Variants in RHPN1 observed in about 807,000 individuals in gnomAD.
The protein encoded by RHPN1 is rhophilin-1.
RHPN1 carries 77 observed loss-of-function variants against 74.7 expected under a neutral mutation model. That is an observed-to-expected ratio of 1.03 (90% confidence interval 0.86 to 1.25). RHPN1 has a LOEUF of 1.25. Ranked by LOEUF, RHPN1 falls within the 50% of genes most tolerant of loss-of-function variation. RHPN1 has a pLI of 0.00. For synonymous variants in RHPN1, 444 were observed against 414.5 expected (o/e 1.07, Z -0.87); for missense variants, 987 against 932.2 (o/e 1.06, Z -0.77).
In RHPN1 at chr8:143,380,605, G is replaced by A; in HGVS notation, c.1233G>A (p.Lys411=). 1 of 1,531,916 alleles carries A rather than the reference G, an allele frequency of 6.5e-7. No homozygotes were observed. The highest frequency in any genetic ancestry group is 8.8e-7 in the Non-Finnish European group (1 of 1,137,132). The allele number at this position is 1,531,916 out of a possible 1,614,324, so 94.9% of individuals were successfully genotyped here. The change falls in exon 11 of 15, where the codon AAG becomes AAA. Residue 411 remains lysine, a synonymous_variant. Coordinates refer to ENST00000289013, the MANE Select transcript of RHPN1 (RefSeq NM_052924.3). The stretch of plus-strand genomic sequence containing the variant: ...CGCGTGCAGGCAAGGCACACCTGAA[G>A]CGTGCCATCCTGGGGCAGGAGGAGG... ...ERRQLGKAHL[K]RAILGQEEAL...
chr8:143,381,839 G>A lies in RHPN1; in HGVS notation c.1668G>A (p.Val556=), dbSNP rs776167975. ...AAGLKEGDYI[V]SVNGQPCRWW... ...GCCTGAAGGAGGGCGACTACATTGTGTCAGTGAATGGGCAGCCATGCAGGT... is the reference window on the plus strand; with the variant it reads ...GCCTGAAGGAGGGCGACTACATTGTATCAGTGAATGGGCAGCCATGCAGGT... Residue 556 remains valine, a synonymous_variant, in exon 14 of 15, where the codon GTG becomes GTA. Transcript: ENST00000289013. 6.2e-7 allele frequency: 1 copy of A among 1,613,076 alleles called. No individual in the cohort carries two copies. The highest frequency in any genetic ancestry group is 8.5e-7 in the Non-Finnish European group (1 of 1,179,742).
chr8:143,376,354 G>A (rs114969004), intron 2 of RHPN1, among the ~76,000 whole-genome samples, 171 bp from the exon 3 acceptor site: 3,036 of 152,332 alleles, frequency 0.02, 95 homozygotes, highest in African/African-American at 0.069. Flanking sequence ...GTGAGCCCCC[G>A]GATCCCACTG....
intron 1 of RHPN1, among the ~76,000 whole-genome samples, chr8:143,370,224 C>T (rs959951201): frequency 6.6e-6 from 1 of 152,108 alleles, no homozygotes; most frequent in Non-Finnish European, 1.5e-5. Flanking sequence ...CTGTCCTGGC[C>T]CTCCCTGGGC....
Position 143,378,356 on chromosome 8 carries a change from T to TCCCTC in RHPN1, c.459+13_459+14insTCCCC. ...GGAGGCCCTGCGGCAGGTGTGTGGTTCCCCCGCCCACCCACCCTCCTGCAG... is the reference window on the plus strand; with the variant it reads ...GGAGGCCCTGCGGCAGGTGTGTGGTTCCCTCCCCCCGCCCACCCACCCTCCTGCAG... On this transcript the variant is annotated intron_variant, in intron 5 of 14. Transcript: ENST00000289013. The TCCCTC allele has an allele frequency of 2.6e-6, 4 of 1,525,438 alleles. No homozygotes were observed. Among genetic ancestry groups the TCCCTC allele is most frequent in the South Asian group, 1.2e-5 (1 of 83,568 alleles). The allele number at this position is 1,525,438 out of a possible 1,614,324, so 94.5% of individuals were successfully genotyped here.
chr8:143,379,975 C>T lies in RHPN1; in HGVS notation c.1092C>T (p.Cys364=), dbSNP rs1340720501. The T allele has an allele frequency of 9.6e-6, 15 of 1,562,590 alleles. No homozygotes were observed. The East Asian group carries it at 2.4e-4, about 25-fold the overall frequency. ...ACTACCACGTAGCCATGGCCCTCTG[C>T]GACGGCTCCCGTGAGTGCCCACCAC... The part of the protein sequence containing the change: ...LAHYHVAMAL[C]DGSPATEGEL... Residue 364 remains cysteine (C), a synonymous_variant, in exon 9 of 15, where the codon TGC becomes TGT. Coordinates refer to ENST00000289013, the MANE Select transcript of RHPN1 (RefSeq NM_052924.3).
rs904864900 is a variant in RHPN1 at position 143,369,882 on chromosome 8, G to C, written c.60+835G>C. ...CTGGTTCTACTCGGCTTTGGTGTTT[G>C]GGGTTAGGTCTCCTAGAGGAGGAGG... On this transcript the variant is annotated intron_variant, in intron 1 of 14. Coordinates refer to ENST00000289013, the MANE Select transcript of RHPN1 (RefSeq NM_052924.3). 6.6e-4 allele frequency among the ~76,000 whole-genome samples: 101 copies of C among 152,314 alleles called. 1 individual carries two copies. The highest frequency in any genetic ancestry group is 2.3e-3 in the African/African-American group (96 of 41,568).
At position 143,378,748 on chromosome 8, in the gene RHPN1, A is replaced by T. The variant is rs772719297; in HGVS notation, c.512A>T (p.Tyr171Phe). ...NESGLELLTA[Y>F]YNQLCFLDAR... ...TCGGGCCTGGAGCTGCTCACAGCCTATTACAACCAGCTGTGCTTCCTGGAT... is the reference window on the plus strand; with the variant it reads ...TCGGGCCTGGAGCTGCTCACAGCCTTTTACAACCAGCTGTGCTTCCTGGAT... Residue 171 changes from tyrosine (Y) to phenylalanine (F), a missense_variant, in exon 6 of 15, where the codon TAT (tyrosine) becomes TTT (phenylalanine). Coordinates refer to ENST00000289013, the MANE Select transcript of RHPN1 (RefSeq NM_052924.3). 2 of 1,589,352 alleles carry T rather than the reference A, an allele frequency of 1.3e-6. No homozygotes were observed. The highest frequency in any genetic ancestry group is 4.6e-5 in the East Asian group (2 of 43,448).
chr8:143,376,731 A>ATGTG, intron 3 of RHPN1, 78 bp downstream of exon 3: 1 of 1,438,134 alleles, frequency 7.0e-7, no homozygotes, highest in African/African-American at 1.5e-5. Context: ...GTGTGCACGC[A>ATGTG]TGTGTGTCTC....
At chr8:143,379,550 G>A (rs1163323699) in intron 8 of RHPN1, 42 bp downstream of exon 8, 11 of 1,508,168 alleles carry the variant, frequency 7.3e-6, no homozygotes, top group South Asian at 2.5e-5. Context: ...GGGTGGGGCC[G>A]AGCTGGGGTC....
chr8:143,369,718 G>A (rs1292929111), intron 1 of RHPN1, among the ~76,000 whole-genome samples: 1 of 152,216 alleles, frequency 6.6e-6, no homozygotes, highest in Non-Finnish European at 1.5e-5. Flanking sequence ...GGCTGCCCCA[G>A]TCCTCCTGCC....
At chr8:143,376,744 T>G in intron 3 of RHPN1, 91 bp downstream of exon 3, 1 of 1,397,112 alleles carries the variant, frequency 7.2e-7, no homozygotes, top group Non-Finnish European at 9.7e-7. Flanking sequence ...TGTGTCTCTG[T>G]GTGTATATGT....
upstream of RHPN1, among the ~76,000 whole-genome samples, chr8:143,366,119 C>A (rs777557970): frequency 4.9e-5 from 7 of 142,742 alleles, no homozygotes; most frequent in Non-Finnish European, 1.1e-4. Flanking sequence ...GGCAACAGGG[C>A]GAAACCCTGT....
intron 3 of RHPN1, 23 bp downstream of exon 3, chr8:143,376,676 C>T: frequency 6.5e-7 from 1 of 1,550,136 alleles, no homozygotes; most frequent in Non-Finnish European, 8.7e-7. Context: ...GCCGGGACAG[C>T]ACGTGCGTGT....
chr8:143,365,168 T>C (rs1321888347), upstream of RHPN1, among the ~76,000 whole-genome samples: 1 of 151,904 alleles, frequency 6.6e-6, no homozygotes, highest in Non-Finnish European at 1.5e-5. Context: ...AAAATACCGA[T>C]GCGCATAAAC....
At chr8:143,378,845 C>T (rs1006866857) in intron 6 of RHPN1, 25 bp downstream of exon 6, 1 of 1,567,168 alleles carries the variant, frequency 6.4e-7, no homozygotes, top group South Asian at 1.2e-5. Context: ...GGCGGAGGCA[C>T]CCTGGGGAGG....
rs750920383 is a variant in RHPN1 at position 143,381,572 on chromosome 8, G to A, written c.1489G>A (p.Gly497Arg). 1.7e-5 allele frequency: 28 copies of A among 1,605,852 alleles called. No individual in the cohort carries two copies. The highest frequency in any genetic ancestry group is 2.3e-5 in the Non-Finnish European group (27 of 1,178,292). Residue 497 changes from glycine (G) to arginine (R), a missense_variant and splice_region_variant, in exon 13 of 15, where the codon GGG becomes AGG. Physicochemically the swap from Gly to Arg is moderately radical, Grantham distance 125 (BLOSUM62 -2). Coordinates refer to ENST00000289013, the MANE Select transcript of RHPN1 (RefSeq NM_052924.3). ...CCTCTGACCTCTGAGCCCCTGCCAG[G>A]GGCCCCTGTCTGTGTTCTCAGCCAA... ...GKGPDIFHRLGPLSVFSAKNR... is the reference protein window; with the variant it reads ...GKGPDIFHRLRPLSVFSAKNR...
rs763878787 is a variant in RHPN1 at position 143,378,341 on chromosome 8, C to A, written c.454C>A (p.Arg152=). The part of the protein sequence containing the change: ...EAEIRELEAL[R]QAMRTPSRNE... The stretch of plus-strand genomic sequence containing the variant: ...AGAAATCAGGGAGCTGGAGGCCCTG[C>A]GGCAGGTGTGTGGTTCCCCCGCCCA... Residue 152 remains arginine, a synonymous_variant, in exon 5 of 15, where the codon CGG becomes AGG. Coordinates refer to ENST00000289013, the MANE Select transcript of RHPN1 (RefSeq NM_052924.3). 1 of 1,549,518 alleles carries A rather than the reference C, an allele frequency of 6.5e-7. No individual in the cohort carries two copies. Among genetic ancestry groups the A allele is most frequent in the East Asian group, 2.4e-5 (1 of 41,074 alleles).
chr8:143,381,587 T>A lies in RHPN1; in HGVS notation c.1504T>A (p.Phe502Ile), dbSNP rs1818734601. 3 of 1,609,082 alleles carry A rather than the reference T, an allele frequency of 1.9e-6. No individual in the cohort carries two copies. The South Asian group carries it at 3.3e-5, about 18-fold the overall frequency. ...CCCCTGCCAGGGGCCCCTGTCTGTG[T>A]TCTCAGCCAAGAACCGGTGGCGGCT... Reference protein sequence around the residue: ...IFHRLGPLSVFSAKNRWRLVG... With the variant: ...IFHRLGPLSVISAKNRWRLVG... The change falls in exon 13 of 15, where the codon TTC (phenylalanine) becomes ATC (isoleucine). Residue 502 changes from phenylalanine to isoleucine, a missense_variant. Transcript: ENST00000289013.
At chr8:143,375,902 G>A (rs925681306) in intron 2 of RHPN1, among the ~76,000 whole-genome samples, 1 of 152,254 alleles carries the variant, frequency 6.6e-6, no homozygotes, top group African/African-American at 2.4e-5. Flanking sequence ...TCCCTGCCGG[G>A]TGTGCAGCTT....
Sources: gnomAD v4.1 joint callset for allele counts (sites outside exome capture counted in the v4.1 genomes callset) on GRCh38, gnomAD v4.1.1 for gene constraint, MANE v1.5 for transcripts, NCBI Gene and HGNC (gene_info 2026-07-23, HGNC 2026-07-21) for gene names.